Variants in NUCB2 observed in about 807,000 individuals in gnomAD.
NUCB2 encodes nucleobindin-2.
Under a neutral mutation model 57.9 loss-of-function variants are expected in NUCB2, and 48 were observed. The ratio of observed to expected loss-of-function variants is 0.83; its 90% CI spans 0.66 to 1.05. NUCB2 has a LOEUF of 1.05. Ranked by LOEUF, NUCB2 falls within the 50% of genes least tolerant of loss-of-function variation. The probability of loss-of-function intolerance (pLI) is 0.00; values close to 1 mark genes in which losing one functional copy is unlikely to be tolerated. For missense variants in NUCB2, 442 were observed against 476.2 expected (o/e 0.93, Z 0.67); for synonymous variants, 139 against 152.1 (o/e 0.91, Z 0.64).
chr11:17,340,274 G>A (rs1169791504), intron 2 of NUCB2, among the ~76,000 whole-genome samples: 1 of 151,784 alleles, frequency 6.6e-6, no homozygotes, highest in Non-Finnish European at 1.5e-5. Flanking sequence ...AGTAGATTGT[G>A]AAAATTTTCT....
chr11:17,294,198 G>C (rs1945415307), intron 2 of NUCB2, among the ~76,000 whole-genome samples: 1 of 152,158 alleles, frequency 6.6e-6, no homozygotes, highest in African/African-American at 2.4e-5. Flanking sequence ...TACCCTATTA[G>C]AGATTCTAGT....
rs1264613235 is a variant in NUCB2, at chr11:17,337,954, A to G, written n.2626+420A>G. ...CTGGCCTTTTCCTTGATTTTTAAAA[A>G]GACCTAATATCGTTAGTAGAATTCT... On this transcript the variant is annotated intron_variant and non_coding_transcript_variant, in intron 2 of 2. Coordinates refer to the NUCB2 transcript ENST00000532240. Among the ~76,000 whole-genome samples, 2 of 152,198 alleles carry G rather than the reference A, an allele frequency of 1.3e-5. 1 individual carries two copies. The highest frequency in any genetic ancestry group is 4.8e-5 in the African/African-American group (2 of 41,462).
At chr11:17,343,526 ATGT>A (rs1952464126) in intron 2 of NUCB2, among the ~76,000 whole-genome samples, 1 of 152,066 alleles carries the variant, frequency 6.6e-6, no homozygotes, top group Non-Finnish European at 1.5e-5. Context: ...GTTTTGTACC[ATGT>A]TGTTTGGCCT....
intron 2 of NUCB2, among the ~76,000 whole-genome samples, chr11:17,291,959 G>A (rs1945014896): frequency 6.6e-6 from 1 of 152,076 alleles, no homozygotes; most frequent in Middle Eastern, 3.4e-3. Context: ...TAGTTTAAAG[G>A]CATTTACAAG....
intron 5 of NUCB2, among the ~76,000 whole-genome samples, chr11:17,305,369 C>T (rs908044526): frequency 6.6e-6 from 1 of 151,820 alleles, no homozygotes; most frequent in Admixed American, 6.6e-5. Context: ...AACTTAGATA[C>T]CTCTGAAAAA....
chr11:17,284,049 G>A (rs1340958011), intron 2 of NUCB2, among the ~76,000 whole-genome samples: 1 of 151,368 alleles, frequency 6.6e-6, no homozygotes, highest in Non-Finnish European at 1.5e-5. Flanking sequence ...TTTTTGTTGA[G>A]ACGGAGTCTC....
intron 11 of NUCB2, among the ~76,000 whole-genome samples, chr11:17,318,240 C>T (rs1316363457): frequency 6.6e-6 from 1 of 151,680 alleles, no homozygotes; most frequent in Non-Finnish European, 1.5e-5. Flanking sequence ...TGGTCTCAAA[C>T]TCCTGAGCTC....
Position 17,295,352 on chromosome 11 carries a change from A to G in NUCB2, c.29A>G (p.Tyr10Cys), listed in dbSNP as rs867624941. The change falls in exon 3 of 14, where the codon TAT becomes TGT. Residue 10 changes from tyrosine to cysteine, a missense_variant. Coordinates refer to ENST00000529010, the MANE Select transcript of NUCB2 (RefSeq NM_005013.4). MRWRTILLQYCFLLITCLLT... is the reference protein window; with the variant it reads MRWRTILLQCCFLLITCLLT... ...AGGTGGAGGACCATCCTGCTACAGT[A>G]TTGCTTTCTCTTGATTACATGTTTA... 2.5e-6 allele frequency: 4 copies of G among 1,612,096 alleles called. No individual in the cohort carries two copies. The African/African-American group carries it at 4.0e-5, about 16-fold the overall frequency.
intron 2 of NUCB2, among the ~76,000 whole-genome samples, chr11:17,290,040 A>G (rs1287190301): frequency 2.0e-5 from 3 of 152,160 alleles, no homozygotes; most frequent in Admixed American, 2.0e-4. Flanking sequence ...TTGGCTGCTG[A>G]TAGGTAATCC....
intron 4 of NUCB2, among the ~76,000 whole-genome samples, 154 bp downstream of exon 4, chr11:17,296,365 G>A (rs1421389240): frequency 3.3e-5 from 5 of 152,098 alleles, no homozygotes; most frequent in Non-Finnish European, 7.3e-5. Flanking sequence ...CTACAGGTGC[G>A]TGCCACCATG....
intron 2 of NUCB2, among the ~76,000 whole-genome samples, chr11:17,346,034 A>G (rs536853619): frequency 2.9e-4 from 44 of 152,338 alleles, no homozygotes; most frequent in Non-Finnish European, 8.8e-5. Flanking sequence ...TAAAAGTAAA[A>G]TTAGAAAAAT....
chr11:17,301,692 G>C lies in NUCB2; in HGVS notation c.253-52G>C, dbSNP rs367916760. ...ACCCTGTTTTTAAGCTGTTGCATTT[G>C]TCTAAAAATGGAATGTAATAGATAA... On this transcript the variant is annotated intron_variant, in intron 4 of 13. Transcript: ENST00000529010. 4 of 1,425,344 alleles carry C rather than the reference G, an allele frequency of 2.8e-6. No individual in the cohort carries two copies. The African/African-American group carries it at 4.2e-5, about 15-fold the overall frequency. 88.3% of individuals were successfully genotyped at this position (1,425,344 alleles called of 1,614,324 possible). A position where few individuals can be genotyped will look rare whatever the true frequency, so the allele number is the denominator to read the frequency against.
At chr11:17,335,276 CG>C (rs1005184222), downstream of NUCB2, among the ~76,000 whole-genome samples, 1 of 151,978 alleles carries the variant, frequency 6.6e-6, no homozygotes, top group African/African-American at 2.4e-5. Context: ...TTTGGGTAAA[CG>C]TTTTTAGATG....
At chr11:17,311,633 T>G (rs1948498973) in intron 8 of NUCB2, among the ~76,000 whole-genome samples, 1 of 152,124 alleles carries the variant, frequency 6.6e-6, no homozygotes, top group South Asian at 2.1e-4. Context: ...ACTTTATATT[T>G]TTGGAAAAAA....
chr11:17,339,162 T>G (rs1952043053), intron 2 of NUCB2, among the ~76,000 whole-genome samples: 1 of 149,112 alleles, frequency 6.7e-6, no homozygotes, highest in Non-Finnish European at 1.5e-5. Flanking sequence ...TAATTTTTGT[T>G]TTTTCAGTAG....
intron 2 of NUCB2, among the ~76,000 whole-genome samples, chr11:17,288,552 C>CTTTT (rs1362783048): frequency 4.9e-5 from 5 of 101,186 alleles, no homozygotes; most frequent in Non-Finnish European, 7.2e-5. Context: ...TCTTCTTCTT[C>CTTTT]TTTTTTTTTT....
rs770957283 is a variant in NUCB2 at position 17,330,863 on chromosome 11, A to G, written c.1174-39A>G. 6 of 1,209,864 alleles carry G rather than the reference A, an allele frequency of 5.0e-6. No individual in the cohort carries two copies. 74.9% of individuals were successfully genotyped at this position (1,209,864 alleles called of 1,614,324 possible). ...TCAAAGGTCACACATATGATAGAAA[A>G]TCAAGTTATACTTTTAACTTTCATT... On this transcript the variant is annotated intron_variant, in intron 12 of 13. Transcript: ENST00000529010. The surrounding 1 kb of genome is among the most constrained non-coding windows in gnomAD (Gnocchi z 4.3).
chr11:17,294,517 T>C (rs1208127933), intron 2 of NUCB2, among the ~76,000 whole-genome samples: 1 of 152,118 alleles, frequency 6.6e-6, no homozygotes, highest in African/African-American at 2.4e-5. Flanking sequence ...TAGTGGTTTG[T>C]TAATGGCAAG....
chr11:17,301,772 TA>T lies in NUCB2; in HGVS notation c.282del (p.Val95Ter). 6.2e-7 allele frequency: 1 copy of T among 1,609,910 alleles called. No individual in the cohort carries two copies. The highest frequency in any genetic ancestry group is 8.5e-7 in the Non-Finnish European group (1 of 1,176,158). ...GGGAGGCTAAGCAAAGAACTGGATT[TA>T]GTAAGTCACCATGTGAGGACAAAAC... The part of the protein sequence containing the change: ...KSGRLSKELD[L>X]VSHHVRTKLD... On this transcript the variant is annotated frameshift_variant, in exon 5 of 14. Transcript: ENST00000529010. LOFTEE classifies it high-confidence loss of function.
Sources: allele counts gnomAD v4.1 joint callset (sites outside exome capture counted in the v4.1 genomes callset), GRCh38; gene constraint gnomAD v4.1.1; non-coding constraint Gnocchi (gnomAD v3.1); transcripts MANE v1.5; gene names NCBI Gene and HGNC (gene_info 2026-07-23, HGNC 2026-07-21).